The following SERPINE2 variants were observed in gnomAD, a reference collection of about 807,000 sequenced individuals.
SERPINE2 encodes the protein serpin family E member 2.
Under a neutral mutation model 36.3 loss-of-function variants are expected in SERPINE2, and 14 were observed. That is an observed-to-expected ratio of 0.39 (90% CI 0.25 to 0.60). The LOEUF (loss-of-function observed/expected upper bound fraction) is 0.60, where lower values mean the gene tolerates loss of function less well. Among genes scored for constraint, SERPINE2 ranks in the 20% least tolerant of loss-of-function variants. SERPINE2 has a pLI of 0.57. For missense variants in SERPINE2, 418 were observed against 499.6 expected (o/e 0.84, Z 1.56); for synonymous variants, 192 against 191.8 (o/e 1.00, Z -0.01).
intron 1 of SERPINE2, 41 bp from the exon 2 acceptor site, chr2:224,001,963 T>G (rs1396320429): frequency 1.3e-6 from 2 of 1,521,262 alleles, no homozygotes; most frequent in Non-Finnish European, 1.8e-6. Flanking sequence ...TATACTTAAA[T>G]GGGTACTTTA....
intron 1 of SERPINE2, among the ~76,000 whole-genome samples, chr2:224,027,912 G>A (rs1181040648): frequency 6.6e-6 from 1 of 152,194 alleles, no homozygotes; most frequent in Non-Finnish European, 1.5e-5. Flanking sequence ...TTCTTGTCCT[G>A]TGTGGGGTGT....
rs774251743 is a variant in SERPINE2, at chr2:223,975,340, C to T, written c.*527G>A. 6.6e-6 allele frequency: 1 copy of T among 152,462 alleles called. No individual in the cohort carries two copies. Among genetic ancestry groups the T allele is most frequent in the Non-Finnish European group, 1.5e-5 (1 of 68,036 alleles). The allele number at this position is 152,462 out of a possible 1,614,324, so 9.4% of individuals were successfully genotyped here. A position where few individuals can be genotyped will look rare whatever the true frequency, so the allele number is the denominator to read the frequency against. On this transcript the variant is annotated 3_prime_UTR_variant, in exon 9 of 9. Transcript: ENST00000409304. Reference sequence around the variant, plus strand: ...TATAAAACAACAACAACAACAACAACAAAAACACAAAGAGGCTAGAGATTT... The same window carrying T: ...TATAAAACAACAACAACAACAACAATAAAAACACAAAGAGGCTAGAGATTT...
At chr2:224,024,377 G>A (rs1306687058) in intron 1 of SERPINE2, among the ~76,000 whole-genome samples, 5 of 152,214 alleles carry the variant, frequency 3.3e-5, no homozygotes, top group African/African-American at 1.2e-4. Context: ...TGGGAAACAT[G>A]GTTCCGAACC....
intron 1 of SERPINE2, chr2:224,038,408 G>T: frequency 1.7e-6 from 2 of 1,191,924 alleles, no homozygotes; most frequent in Non-Finnish European, 2.4e-6. Context: ...TGTAATAGAA[G>T]CCTTCCTTCC....
chr2:224,022,753 T>A (rs1471727930), intron 1 of SERPINE2, among the ~76,000 whole-genome samples: 4 of 152,208 alleles, frequency 2.6e-5, no homozygotes, highest in African/African-American at 9.7e-5. Flanking sequence ...CCAATTGATA[T>A]GGCTTGGCTG....
In SERPINE2 at chr2:224,019,493, AC is replaced by A. The variant is rs769335810; in HGVS notation, c.-22-17572del. 5.9e-5 allele frequency among the ~76,000 whole-genome samples: 9 copies of A among 152,078 alleles called. 1 individual carries two copies. The highest frequency in any genetic ancestry group is 2.9e-5 in the Non-Finnish European group (2 of 68,024). On this transcript the variant is annotated intron_variant, in intron 1 of 8. Transcript: ENST00000409304. ...TGCCTATGTTCCCTCTAACTGGATCACTGTCATCTTCCCTTGTCTTTGTGCC... is the reference window on the plus strand; with the variant it reads ...TGCCTATGTTCCCTCTAACTGGATCATGTCATCTTCCCTTGTCTTTGTGCC...
rs763354110 is a variant in SERPINE2, at chr2:223,984,737, G to A, written c.884+15C>T. The A allele has an allele frequency of 6.2e-7, 1 of 1,609,922 alleles. No individual in the cohort carries two copies. Among genetic ancestry groups the A allele is most frequent in the African/African-American group, 1.3e-5 (1 of 74,952 alleles). On this transcript the variant is annotated intron_variant, in intron 5 of 8. Transcript: ENST00000409304. Reference sequence around the variant, plus strand: ...ATAATGCCACTGTTTTCTTTGAGGGGAAGGGGCCACTTACTTGGGCAGGAT... The same window carrying A: ...ATAATGCCACTGTTTTCTTTGAGGGAAAGGGGCCACTTACTTGGGCAGGAT...
chr2:224,037,309 A>G (rs964008742), intron 1 of SERPINE2, among the ~76,000 whole-genome samples: 2 of 152,190 alleles, frequency 1.3e-5, no homozygotes, highest in Non-Finnish European at 2.9e-5. Context: ...AACCCGCAAG[A>G]GGAAAAGCAT....
intron 1 of SERPINE2, among the ~76,000 whole-genome samples, chr2:224,019,768 A>ATTTTTTTT (rs1559216900): frequency 3.2e-5 from 1 of 31,208 alleles, no homozygotes; most frequent in Non-Finnish European, 5.9e-5. Flanking sequence ...TTTTTTTTAA[A>ATTTTTTTT]AAAAAAAAAA....
At chr2:223,979,305 C>T (rs1036788782) in intron 7 of SERPINE2, 13 of 152,318 alleles carry the variant, frequency 8.5e-5, no homozygotes, top group Non-Finnish European at 1.6e-4. Context: ...CTCAGCAAAA[C>T]TGGTCAATAA....
intron 3 of SERPINE2, among the ~76,000 whole-genome samples, chr2:223,997,212 T>TTTTG (rs60080449): frequency 0.27 from 39,902 of 150,388 alleles, 6,352 homozygotes; most frequent in African/African-American, 0.46. Context: ...TTTTTTGTTT[T>TTTTG]TTTGTTTCTT....
At chr2:224,011,971 ACC>A (rs1369610344) in intron 1 of SERPINE2, among the ~76,000 whole-genome samples, 1 of 152,134 alleles carries the variant, frequency 6.6e-6, no homozygotes, top group Non-Finnish European at 1.5e-5. Context: ...TATACCTGTT[ACC>A]TCGGTCAATT....
chr2:224,005,015 A>AT (rs1691340207), intron 1 of SERPINE2, among the ~76,000 whole-genome samples: 3 of 130,520 alleles, frequency 2.3e-5, no homozygotes, highest in Non-Finnish European at 4.7e-5. Flanking sequence ...ATGTAGTATT[A>AT]TATATTATAT....
At chr2:224,036,335 T>C (rs1574856298) in intron 1 of SERPINE2, among the ~76,000 whole-genome samples, 2 of 122,126 alleles carry the variant, frequency 1.6e-5, no homozygotes, top group African/African-American at 3.4e-5. Flanking sequence ...CAACCAGGGA[T>C]GGAAAAAAAA....
chr2:224,027,792 T>C (rs1442440969), intron 1 of SERPINE2, among the ~76,000 whole-genome samples: 2 of 152,204 alleles, frequency 1.3e-5, no homozygotes, highest in African/African-American at 4.8e-5. Context: ...TTGGCCTGTT[T>C]TGCAGATACT....
chr2:223,989,516 T>C (rs1026723792), intron 4 of SERPINE2, among the ~76,000 whole-genome samples: 5 of 152,156 alleles, frequency 3.3e-5, no homozygotes, highest in African/African-American at 7.2e-5. Context: ...AATCAGCCAC[T>C]TGGGGACACC....
intron 4 of SERPINE2, among the ~76,000 whole-genome samples, chr2:223,986,468 G>T (rs1286205807): frequency 6.6e-6 from 1 of 152,066 alleles, no homozygotes; most frequent in Non-Finnish European, 1.5e-5. Context: ...GGTCTCAGCA[G>T]AAACGGAAAA....
chr2:223,995,363 G>GTA, intron 3 of SERPINE2, among the ~76,000 whole-genome samples: 1 of 152,230 alleles, frequency 6.6e-6, no homozygotes, highest in South Asian at 2.1e-4. Flanking sequence ...TTCAGTGGGG[G>GTA]CAGTTCACCC....
At chr2:223,996,755 T>G (rs1205314893) in intron 3 of SERPINE2, among the ~76,000 whole-genome samples, 1 of 152,214 alleles carries the variant, frequency 6.6e-6, no homozygotes, top group Non-Finnish European at 1.5e-5. Context: ...GGGCTTCTTC[T>G]TCCTATTGAC....
Sources: allele counts gnomAD v4.1 joint callset (sites outside exome capture counted in the v4.1 genomes callset), GRCh38; gene constraint gnomAD v4.1.1; transcripts MANE v1.5; gene names NCBI Gene and HGNC (gene_info 2026-07-23, HGNC 2026-07-21).